Variants in RAB10 observed in about 807,000 individuals in gnomAD.
RAB10 encodes RAB10, member RAS oncogene family.
Under a neutral mutation model 25.7 loss-of-function variants are expected in RAB10, and 5 were observed. The observed-to-expected ratio is 0.19, with a 90% CI of 0.10 to 0.41. The LOEUF is 0.41. Among genes scored for constraint, RAB10 ranks in the 10% least tolerant of loss-of-function variants. RAB10 has a pLI of 1.00. For missense variants in RAB10, 103 were observed against 245.8 expected (o/e 0.42, Z 3.89); for synonymous variants, 89 against 86.4 (o/e 1.03, Z -0.16).
intron 1 of RAB10, among the ~76,000 whole-genome samples, chr2:26,082,855 T>C (rs1230560788): frequency 6.6e-6 from 1 of 152,194 alleles, no homozygotes; most frequent in Non-Finnish European, 1.5e-5. Context: ...ACTAAATAAT[T>C]GCAAACCAAA....
At chr2:26,054,391 T>C (rs1216835451) in intron 1 of RAB10, among the ~76,000 whole-genome samples, 1 of 152,176 alleles carries the variant, frequency 6.6e-6, no homozygotes, top group African/African-American at 2.4e-5. Context: ...GGTTTCACCA[T>C]GTTGGCCAGG....
At chr2:26,112,378 C>A (rs747154640) in intron 3 of RAB10, among the ~76,000 whole-genome samples, 1 of 152,094 alleles carries the variant, frequency 6.6e-6, no homozygotes, top group Non-Finnish European at 1.5e-5. Flanking sequence ...TAGATAGGAG[C>A]CTTGTCATCA....
Position 26,072,156 on chromosome 2 carries a change from C to T in RAB10, c.128-26506C>T, listed in dbSNP as rs142948197. 6.0e-3 allele frequency among the ~76,000 whole-genome samples: 910 copies of T among 152,220 alleles called. 9 individuals are homozygous for T. Among genetic ancestry groups the T allele is most frequent in the Non-Finnish European group, 0.011 (717 of 68,004 alleles). The stretch of plus-strand genomic sequence containing the variant: ...GAACATGGCTGGGTGCGGTGGCTCA[C>T]GCCTGTAATCCCAGCACTTTGGGAG... On this transcript the variant is annotated intron_variant, in intron 1 of 5. Coordinates refer to ENST00000264710, the MANE Select transcript of RAB10 (RefSeq NM_016131.5).
intron 1 of RAB10, among the ~76,000 whole-genome samples, chr2:26,047,900 A>G (rs996718300): frequency 4.0e-5 from 6 of 149,922 alleles, no homozygotes; most frequent in African/African-American, 1.5e-4. Flanking sequence ...ATTTTTTTGT[A>G]TTTTTAGTGG....
chr2:26,074,187 GGTATGGTAGT>G (rs1414375247), intron 1 of RAB10, among the ~76,000 whole-genome samples: 1 of 112,164 alleles, frequency 8.9e-6, no homozygotes, highest in East Asian at 2.4e-4. Flanking sequence ...CTGAGATGAT[GGTATGGTAGT>G]GGAGAAAAGA....
chr2:26,036,624 A>G (rs1466768523), intron 1 of RAB10, among the ~76,000 whole-genome samples: 3 of 151,736 alleles, frequency 2.0e-5, no homozygotes, highest in Admixed American at 6.6e-5. Flanking sequence ...GTGCCACTGC[A>G]CTCCAGCCTG....
intron 1 of RAB10, among the ~76,000 whole-genome samples, chr2:26,046,736 A>T (rs940997813): frequency 1.3e-5 from 2 of 152,184 alleles, no homozygotes; most frequent in East Asian, 3.9e-4. Context: ...TGTGTTTCAC[A>T]TACGACCCAG....
intron 1 of RAB10, among the ~76,000 whole-genome samples, chr2:26,051,631 G>A (rs1310021925): frequency 6.6e-6 from 1 of 151,310 alleles, no homozygotes; most frequent in African/African-American, 2.4e-5. Context: ...GTGAGTGCCT[G>A]TAGTCCCAGC....
At chr2:26,096,665 C>T (rs981699705) in intron 1 of RAB10, among the ~76,000 whole-genome samples, 1 of 152,012 alleles carries the variant, frequency 6.6e-6, no homozygotes, top group Non-Finnish European at 1.5e-5. Context: ...TGGTATTTGA[C>T]CCCTTCTGAA....
chr2:26,066,351 A>G (rs1015398198), intron 1 of RAB10, among the ~76,000 whole-genome samples: 1 of 152,216 alleles, frequency 6.6e-6, no homozygotes, highest in Admixed American at 6.5e-5. Flanking sequence ...TGTTTTGTAA[A>G]GGCATCTTTT....
At chr2:26,048,503 A>G (rs973461158) in intron 1 of RAB10, among the ~76,000 whole-genome samples, 2 of 152,156 alleles carry the variant, frequency 1.3e-5, no homozygotes, top group Non-Finnish European at 1.5e-5. Flanking sequence ...CTTATTTGCC[A>G]TCTTTGGAAA....
chr2:26,085,347 G>C (rs985911308), intron 1 of RAB10, among the ~76,000 whole-genome samples: 1 of 151,782 alleles, frequency 6.6e-6, no homozygotes, highest in Non-Finnish European at 1.5e-5. Flanking sequence ...AAAATTAGCT[G>C]GGTGTGGTGA....
chr2:26,113,404 T>C (rs1164937342), intron 3 of RAB10, among the ~76,000 whole-genome samples: 2 of 151,836 alleles, frequency 1.3e-5, no homozygotes, highest in Non-Finnish European at 2.9e-5. Flanking sequence ...TGAAACCTCG[T>C]CTCTACTAAA....
chr2:26,087,869 T>C (rs1165195672), intron 1 of RAB10, among the ~76,000 whole-genome samples: 3 of 152,194 alleles, frequency 2.0e-5, no homozygotes, highest in Non-Finnish European at 2.9e-5. Context: ...CACAAAAGGA[T>C]CTTTAGAGGA....
chr2:26,107,090 A>T (rs1667478238), intron 2 of RAB10, among the ~76,000 whole-genome samples: 1 of 151,894 alleles, frequency 6.6e-6, no homozygotes, highest in African/African-American at 2.4e-5. Context: ...TACTAAAAAT[A>T]TAAAAATTAG....
At chr2:26,074,537 G>C (rs1371837673) in intron 1 of RAB10, among the ~76,000 whole-genome samples, 6 of 152,136 alleles carry the variant, frequency 3.9e-5, no homozygotes, top group Non-Finnish European at 7.3e-5. Flanking sequence ...TCCTGCCTCA[G>C]CCTCCCGAGT....
At chr2:26,101,296 T>C (rs1445800478) in intron 2 of RAB10, 1 of 152,212 alleles carries the variant, frequency 6.6e-6, no homozygotes, top group Non-Finnish European at 1.5e-5. Context: ...TAATTCACTA[T>C]ATTTTTCTTG....
At chr2:26,068,902 T>C (rs188108734) in intron 1 of RAB10, among the ~76,000 whole-genome samples, 1 of 152,332 alleles carries the variant, frequency 6.6e-6, no homozygotes, top group African/African-American at 2.4e-5. Flanking sequence ...ATTGTTTTCA[T>C]GCAGATTATC....
intron 2 of RAB10, among the ~76,000 whole-genome samples, chr2:26,107,858 A>C (rs964745673): frequency 1.4e-4 from 22 of 152,068 alleles, no homozygotes; most frequent in African/African-American, 2.4e-4. Context: ...AAAAAAAAAA[A>C]CCAGACATTT....
Sources: allele counts gnomAD v4.1 joint callset (sites outside exome capture counted in the v4.1 genomes callset), GRCh38; gene constraint gnomAD v4.1.1; transcripts MANE v1.5; gene names NCBI Gene and HGNC (gene_info 2026-07-23, HGNC 2026-07-21).